EPHA4: variants seen among roughly 807,000 people sequenced by gnomAD.
The protein encoded by EPHA4 is ephrin type-A receptor 4.
Under a neutral mutation model 108.3 loss-of-function variants are expected in EPHA4, and 19 were observed. The observed-to-expected ratio is 0.18, with a 90% CI of 0.12 to 0.26. The LOEUF is 0.26. EPHA4 is among the 10% of genes least tolerant of loss of function. The pLI is 1.00. For missense variants in EPHA4, 917 were observed against 1,254.0 expected, an observed-to-expected ratio of 0.73 and a Z score of 4.06; for synonymous variants, 449 against 455.5, an observed-to-expected ratio of 0.99 and a Z score of 0.18.
At chr2:221,450,021 T>C (rs10498112) in intron 8 of EPHA4, among the ~76,000 whole-genome samples, 8,450 of 152,298 alleles carry the variant, frequency 0.055, 462 homozygotes, top group African/African-American at 0.14. Context: ...AGTAGCATGT[T>C]GAAATGGTTG....
intron 3 of EPHA4, among the ~76,000 whole-genome samples, chr2:221,503,512 A>T (rs1014485267): frequency 6.6e-6 from 1 of 152,222 alleles, no homozygotes; most frequent in Admixed American, 6.5e-5. Context: ...TATTATGTGA[A>T]TTTAAGAAAA....
intron 14 of EPHA4, among the ~76,000 whole-genome samples, chr2:221,432,295 A>G (rs1260611134): frequency 6.6e-6 from 1 of 152,174 alleles, no homozygotes; most frequent in Non-Finnish European, 1.5e-5. Context: ...TTAAGTATCG[A>G]ATAATTACAG....
At chr2:221,525,386 C>A (rs1693293020) in intron 3 of EPHA4, among the ~76,000 whole-genome samples, 1 of 152,148 alleles carries the variant, frequency 6.6e-6, no homozygotes, top group Non-Finnish European at 1.5e-5. Flanking sequence ...ACCATATGCT[C>A]CGTAAATTTC....
intron 3 of EPHA4, among the ~76,000 whole-genome samples, chr2:221,530,239 G>A (rs1281400583): frequency 6.8e-6 from 1 of 147,854 alleles, no homozygotes; most frequent in Non-Finnish European, 1.5e-5. Context: ...TTTCCTTATT[G>A]TACATGTCTC....
At chr2:221,436,083 AT>A (rs34574700) in intron 13 of EPHA4, among the ~76,000 whole-genome samples, 1 of 152,046 alleles carries the variant, frequency 6.6e-6, no homozygotes, top group Non-Finnish European at 1.5e-5. Context: ...TTCTCAGCTC[AT>A]TTTTATTTAA....
At chr2:221,461,798 C>T (rs1040813308) in intron 5 of EPHA4, among the ~76,000 whole-genome samples, 6 of 152,118 alleles carry the variant, frequency 3.9e-5, no homozygotes, top group Middle Eastern at 3.4e-3. Flanking sequence ...AGTCAGAGGG[C>T]CCATTTTTCT....
In EPHA4 at chr2:221,470,022, C is replaced by T. The variant is rs185480642; in HGVS notation, c.1319-12032G>A. Among the ~76,000 whole-genome samples the T allele has an allele frequency of 2.1e-3, 320 of 152,258 alleles. 1 individual carries two copies. The highest frequency in any genetic ancestry group is 7.4e-3 in the African/African-American group (307 of 41,560). ...GATCTATGAAATTATTTTTTAGCAA[C>T]TTCTATTTCTTTCTCTTGTTGCACT... On this transcript the variant is annotated intron_variant, in intron 5 of 17. Coordinates refer to ENST00000281821, the MANE Select transcript of EPHA4 (RefSeq NM_004438.5).
At chr2:221,470,463 G>A (rs1559254867) in intron 5 of EPHA4, among the ~76,000 whole-genome samples, 1 of 151,848 alleles carries the variant, frequency 6.6e-6, no homozygotes, top group Non-Finnish European at 1.5e-5. Flanking sequence ...TCCAAACACA[G>A]GGGATCAAAA....
rs777966096 is a variant in EPHA4, at chr2:221,436,621, G to T, written c.2137-13C>A. The T allele has an allele frequency of 6.2e-7, 1 of 1,612,500 alleles. No individual in the cohort carries two copies. Among genetic ancestry groups the T allele is most frequent in the Non-Finnish European group, 8.5e-7 (1 of 1,178,870 alleles). On this transcript the variant is annotated splice_polypyrimidine_tract_variant and intron_variant, in intron 12 of 17. Transcript: ENST00000281821. ...TGCCATCATTTTTCTGCATAGAAAAGGAGTGAGGAACAATCTCATTAGCAT... is the reference window on the plus strand; with the variant it reads ...TGCCATCATTTTTCTGCATAGAAAATGAGTGAGGAACAATCTCATTAGCAT...
chr2:221,554,903 A>G (rs1296289830), intron 3 of EPHA4, among the ~76,000 whole-genome samples: 1 of 152,174 alleles, frequency 6.6e-6, no homozygotes, highest in African/African-American at 2.4e-5. Flanking sequence ...ATTCTTTTTC[A>G]AAGAATTGTA....
Position 221,564,289 on chromosome 2 carries a change from TCC to T in EPHA4, c.263_264del (p.Trp88TyrfsTer12). The T allele has an allele frequency of 1.9e-6, 3 of 1,614,166 alleles. No homozygotes were observed. The highest frequency in any genetic ancestry group is 2.5e-6 in the Non-Finnish European group (3 of 1,180,046). On this transcript the variant is annotated frameshift_variant, in exon 3 of 18. Transcript: ENST00000281821. LOFTEE classifies it high-confidence loss of function. ...PSQNNWLRTD[W>X]ITREGAQRVY... ...ACCCTCTGAGCCCCTTCTCGGGTGA[TCC>T]AATCAGTTCGTAGCCAGTTATTCTG...
intron 7 of EPHA4, 95 bp downstream of exon 7, chr2:221,456,518 A>G: frequency 7.4e-7 from 1 of 1,357,632 alleles, no homozygotes; most frequent in Non-Finnish European, 1.0e-6. Context: ...CTGAACCAAA[A>G]ATTACAGACA....
intron 8 of EPHA4, among the ~76,000 whole-genome samples, chr2:221,448,690 T>A (rs1690676010): frequency 6.6e-6 from 1 of 152,198 alleles, no homozygotes; most frequent in Admixed American, 6.5e-5. Context: ...ACATTGTGTC[T>A]TATCAGAGCT....
At chr2:221,532,126 C>T (rs5838889) in intron 3 of EPHA4, among the ~76,000 whole-genome samples, 2 of 142,956 alleles carry the variant, frequency 1.4e-5, no homozygotes, top group African/African-American at 2.7e-5. Context: ...TCAATTTATT[C>T]TTTTTTTTTT....
chr2:221,514,257 C>T (rs1489426671), intron 3 of EPHA4, among the ~76,000 whole-genome samples: 1 of 152,132 alleles, frequency 6.6e-6, no homozygotes, highest in Non-Finnish European at 1.5e-5. Context: ...TCCAGCCTTA[C>T]AGGTGAGCCT....
intron 3 of EPHA4, among the ~76,000 whole-genome samples, chr2:221,540,952 T>G (rs1275020562): frequency 7.0e-6 from 1 of 142,596 alleles, no homozygotes; most frequent in East Asian, 2.1e-4. Context: ...TTTTTTTTTT[T>G]GAGGGTATGG....
At chr2:221,428,646 C>G (rs16862642) in intron 15 of EPHA4, among the ~76,000 whole-genome samples, 16,717 of 152,142 alleles carry the variant, frequency 0.11, 1,048 homozygotes, top group Middle Eastern at 0.18. Flanking sequence ...GGAAAGGAGG[C>G]CTTATAGTCA....
intron 3 of EPHA4, among the ~76,000 whole-genome samples, chr2:221,517,974 G>A (rs1201448625): frequency 1.3e-5 from 2 of 152,184 alleles, no homozygotes; most frequent in Non-Finnish European, 2.9e-5. Context: ...ACAAGAGTTT[G>A]TCAACAGCCA....
intron 11 of EPHA4, chr2:221,437,340 T>C: frequency 2.3e-6 from 1 of 432,700 alleles, no homozygotes; most frequent in Non-Finnish European, 4.1e-6. Context: ...AACCTTTGGG[T>C]GGCTTGTTGA....
Sources: allele counts gnomAD v4.1 joint callset (sites outside exome capture counted in the v4.1 genomes callset), GRCh38; gene constraint gnomAD v4.1.1; transcripts MANE v1.5; gene names NCBI Gene and HGNC (gene_info 2026-07-23, HGNC 2026-07-21).